UGGT1: variants seen among roughly 807,000 people sequenced by gnomAD.
UGGT1 encodes UDP-glucose glycoprotein glucosyltransferase 1.
UGGT1 carries 107 observed loss-of-function variants against 203.9 expected under a neutral mutation model. That is an observed-to-expected ratio of 0.52 (90% CI 0.45 to 0.62). UGGT1 has a LOEUF of 0.62. Among genes scored for constraint, UGGT1 ranks in the 20% least tolerant of loss-of-function variants. The probability of loss-of-function intolerance (pLI) is 0.00; values close to 1 mark genes in which losing one functional copy is unlikely to be tolerated. For missense variants in UGGT1, 1,673 were observed against 1,867.2 expected (o/e 0.90, Z 1.92); for synonymous variants, 628 against 653.5 (o/e 0.96, Z 0.59).
chr2:128,092,899 C>T (rs1354927199), intron 1 of UGGT1, among the ~76,000 whole-genome samples: 3 of 152,156 alleles, frequency 2.0e-5, no homozygotes, highest in Non-Finnish European at 4.4e-5. Flanking sequence ...TAATGCTTAT[C>T]ATGCAAAGCC....
chr2:128,144,787 A>T lies in UGGT1; in HGVS notation c.1852-1016A>T, dbSNP rs73955946. On this transcript the variant is annotated intron_variant, in intron 17 of 40. Transcript: ENST00000259253. Reference sequence around the variant, plus strand: ...CAGTCTGTTACCGATGACTCGGATTAGTTACCCAATGGGAGTTCTTTTCTA... The same window carrying T: ...CAGTCTGTTACCGATGACTCGGATTTGTTACCCAATGGGAGTTCTTTTCTA... Among the ~76,000 whole-genome samples, 609 of 152,322 alleles carry T rather than the reference A, an allele frequency of 4.0e-3. 6 individuals carry two copies. Among genetic ancestry groups the T allele is most frequent in the African/African-American group, 0.013 (546 of 41,566 alleles).
chr2:128,184,541 T>A (rs1353958433), intron 38 of UGGT1, among the ~76,000 whole-genome samples: 1 of 152,224 alleles, frequency 6.6e-6, no homozygotes, highest in Admixed American at 6.5e-5. Context: ...CAAAAGTGTC[T>A]AGCATCACGA....
rs1185077644 is a variant in UGGT1 at position 128,091,425 on chromosome 2, G to T, written c.58+10G>T. Reference sequence around the variant, plus strand: ...GCGCTGCCGGTGACAGGTACCCAGGGGTGGCGTGAGGAGGCCTCGTGGACA... The same window carrying T: ...GCGCTGCCGGTGACAGGTACCCAGGTGTGGCGTGAGGAGGCCTCGTGGACA... On this transcript the variant is annotated intron_variant, in intron 1 of 40. Coordinates refer to ENST00000259253, the MANE Select transcript of UGGT1 (RefSeq NM_020120.4). 1 of 1,577,776 alleles carries T rather than the reference G, an allele frequency of 6.3e-7. No individual in the cohort carries two copies. Among genetic ancestry groups the T allele is most frequent in the Admixed American group, 1.8e-5 (1 of 54,458 alleles).
chr2:128,106,839 C>T (rs536318514), intron 3 of UGGT1, among the ~76,000 whole-genome samples: 13 of 152,204 alleles, frequency 8.5e-5, no homozygotes, highest in Admixed American at 6.6e-4. Flanking sequence ...CATGAGCCAC[C>T]GTGCCCTGCC....
intron 14 of UGGT1, among the ~76,000 whole-genome samples, chr2:128,133,730 C>G (rs1286498867): frequency 1.3e-5 from 2 of 152,026 alleles, no homozygotes; most frequent in Non-Finnish European, 2.9e-5. Flanking sequence ...TAAGATAGCT[C>G]TTTTTTTACA....
chr2:128,147,057 A>G (rs1456593280), intron 18 of UGGT1, among the ~76,000 whole-genome samples: 3 of 152,210 alleles, frequency 2.0e-5, no homozygotes, highest in Admixed American at 6.5e-5. Context: ...AGACACTCCT[A>G]TCACTGGATT....
At chr2:128,095,275 A>G (rs536494195) in intron 1 of UGGT1, among the ~76,000 whole-genome samples, 9 of 152,194 alleles carry the variant, frequency 5.9e-5, no homozygotes, top group East Asian at 3.9e-4. Context: ...TGCAGCCTCT[A>G]TAGCAGTTTT....
chr2:128,119,815 C>CT (rs139923888), intron 8 of UGGT1, among the ~76,000 whole-genome samples: 24,861 of 149,708 alleles, frequency 0.17, 2,493 homozygotes, highest in South Asian at 0.32. Context: ...ATTTATTAAG[C>CT]TTTCTTTTTT....
chr2:128,098,654 C>T (rs1053225276), intron 2 of UGGT1, among the ~76,000 whole-genome samples: 2 of 150,944 alleles, frequency 1.3e-5, no homozygotes, highest in African/African-American at 4.9e-5. Context: ...GGAGGCTGAC[C>T]GGGAGGATCA....
rs770480165 is a variant in UGGT1 at position 128,097,547 on chromosome 2, A to G, written c.177A>G (p.Pro59=). 71 of 1,613,948 alleles carry G rather than the reference A, an allele frequency of 4.4e-5. No individual in the cohort carries two copies. Among genetic ancestry groups the G allele is most frequent in the East Asian group, 2.2e-5 (1 of 44,880 alleles). ...TSLTTKWFST[P]LLLEASEFLA... is the part of the protein sequence containing the mutation. ...TTACAACAAAATGGTTTTCCACTCC[A>G]TTGTTGTTAGAAGCCAGGTAAGAGA... The change falls in exon 2 of 41, where the codon CCA becomes CCG. Residue 59 remains proline, a synonymous_variant. Transcript: ENST00000259253.
chr2:128,185,875 A>G (rs1370190397), intron 38 of UGGT1, among the ~76,000 whole-genome samples: 7 of 152,072 alleles, frequency 4.6e-5, no homozygotes, highest in Non-Finnish European at 8.8e-5. Context: ...TCTTAGGACA[A>G]TGGAACATTT....
intron 13 of UGGT1, 112 bp from the exon 14 acceptor site, chr2:128,133,029 G>T: frequency 7.5e-7 from 1 of 1,337,308 alleles, no homozygotes. Context: ...TTTGAAAATG[G>T]TCTTGTCTCA....
intron 25 of UGGT1, among the ~76,000 whole-genome samples, chr2:128,163,601 G>C (rs1391470883): frequency 6.6e-6 from 1 of 152,024 alleles, no homozygotes; most frequent in Non-Finnish European, 1.5e-5. Flanking sequence ...TGTGATCCCA[G>C]CTACTCAGGA....
chr2:128,121,858 TAAAC>T (rs1688397842), intron 10 of UGGT1, among the ~76,000 whole-genome samples: 1 of 152,188 alleles, frequency 6.6e-6, no homozygotes, highest in South Asian at 2.1e-4. Context: ...CCTTTGCAAA[TAAAC>T]AACCTCAGTT....
chr2:128,178,038 G>A, intron 33 of UGGT1, 118 bp downstream of exon 33: 1 of 820,000 alleles, frequency 1.2e-6, no homozygotes, highest in Non-Finnish European at 1.9e-6. Context: ...ACTTTGTGCA[G>A]CTACATCTCA....
intron 16 of UGGT1, chr2:128,140,062 G>A (rs1689333021): frequency 1.3e-5 from 2 of 153,434 alleles, no homozygotes; most frequent in Admixed American, 1.3e-4. Flanking sequence ...AGGATTCCTT[G>A]AAGAGGCTCT....
intron 1 of UGGT1, among the ~76,000 whole-genome samples, chr2:128,097,035 A>C (rs975380550): frequency 2.0e-5 from 3 of 152,202 alleles, no homozygotes; most frequent in Non-Finnish European, 4.4e-5. Flanking sequence ...TGTGTCTCCA[A>C]GTATTATTAG....
chr2:128,133,367 C>T (rs1688976383), intron 14 of UGGT1, 107 bp downstream of exon 14: 2 of 1,416,288 alleles, frequency 1.4e-6, no homozygotes, highest in African/African-American at 2.8e-5. Flanking sequence ...GCTGCTTCCT[C>T]CCCCACCCTT....
chr2:128,183,836 T>G, intron 38 of UGGT1, 47 bp downstream of exon 38: 1 of 1,451,592 alleles, frequency 6.9e-7, no homozygotes, highest in Non-Finnish European at 9.7e-7. Flanking sequence ...GGGTATACAG[T>G]GTTGCATCAG....
Sources: gnomAD v4.1 joint callset for allele counts (sites outside exome capture counted in the v4.1 genomes callset) on GRCh38, gnomAD v4.1.1 for gene constraint, MANE v1.5 for transcripts, NCBI Gene and HGNC (gene_info 2026-07-23, HGNC 2026-07-21) for gene names.